Variants in DACH1 observed in about 807,000 individuals in gnomAD.
DACH1 encodes dachshund family transcription factor 1, also known as dachshund homolog 1.
DACH1 carries 12 observed loss-of-function variants against 54.2 expected under a neutral mutation model. That is an observed-to-expected ratio of 0.22 (90% CI 0.14 to 0.36). The LOEUF (loss-of-function observed/expected upper bound fraction) is 0.36, where lower values mean the gene tolerates loss of function less well. Among genes scored for constraint, DACH1 ranks in the 10% least tolerant of loss-of-function variants. The probability of loss-of-function intolerance (pLI) is 1.00; values close to 1 mark genes in which losing one functional copy is unlikely to be tolerated. For synonymous variants in DACH1, 386 were observed against 366.2 expected, an observed-to-expected ratio of 1.05 and a Z score of -0.62; for missense variants, 805 against 929.8, an observed-to-expected ratio of 0.87 and a Z score of 1.75.
intron 2 of DACH1, among the ~76,000 whole-genome samples, chr13:71,664,599 C>T (rs1879709770): frequency 6.6e-6 from 1 of 151,794 alleles, no homozygotes; most frequent in Non-Finnish European, 1.5e-5. Context: ...TGGGAGTTGG[C>T]TGTAGTATAT....
At chr13:71,480,195 AT>A (rs1877909768) in intron 7 of DACH1, among the ~76,000 whole-genome samples, 1 of 152,118 alleles carries the variant, frequency 6.6e-6, no homozygotes. Context: ...GTACTGCTAC[AT>A]TTTTCTTGAG....
rs1878766968 is a variant in DACH1, at chr13:71,489,006, A to T, written c.1713T>A (p.Thr571=). 1.2e-6 allele frequency: 2 copies of T among 1,613,448 alleles called. No homozygotes were observed. The highest frequency in any genetic ancestry group is 1.6e-4 in the Middle Eastern group (1 of 6,080). ...DGLSSIETLL[T]NIQGLLKVAI... The stretch of plus-strand genomic sequence containing the variant: ...TTGTAAAAAGGCCTACCTGTATGTT[A>T]GTCAGAAGAGTCTCGATGGAAGACA... The change falls in exon 7 of 11, where the codon ACT becomes ACA. Residue 571 remains threonine (T), a synonymous_variant. Coordinates refer to ENST00000613252, the MANE Select transcript of DACH1 (RefSeq NM_080759.6).
chr13:71,586,310 C>A (rs146878608), intron 3 of DACH1, among the ~76,000 whole-genome samples: 1 of 152,064 alleles, frequency 6.6e-6, no homozygotes, highest in African/African-American at 2.4e-5. Context: ...AGGGAATATT[C>A]CTCCCAAATT....
intron 1 of DACH1, among the ~76,000 whole-genome samples, chr13:71,825,967 T>A (rs942994833): frequency 7.9e-5 from 12 of 152,102 alleles, no homozygotes; most frequent in African/African-American, 2.7e-4. Context: ...TGCAAACAGC[T>A]GTATCCATGC....
chr13:71,599,151 AT>A (rs113541722), intron 3 of DACH1, among the ~76,000 whole-genome samples: 3 of 152,326 alleles, frequency 2.0e-5, no homozygotes, highest in African/African-American at 7.2e-5. Flanking sequence ...GATGATATAA[AT>A]AAAAAGACAT....
chr13:71,863,402 C>A (rs964018226), intron 1 of DACH1, among the ~76,000 whole-genome samples: 3 of 152,032 alleles, frequency 2.0e-5, no homozygotes, highest in African/African-American at 7.2e-5. Flanking sequence ...TGATCAAATA[C>A]AATACTAAAT....
intron 1 of DACH1, among the ~76,000 whole-genome samples, chr13:71,779,204 T>C (rs1177273086): frequency 3.6e-5 from 4 of 110,290 alleles, no homozygotes; most frequent in East Asian, 2.2e-4. Flanking sequence ...TACGTATATA[T>C]GTGTATATAT....
Position 71,657,298 on chromosome 13 carries a change from C to T in DACH1, c.964+24497G>A, listed in dbSNP as rs536306657. ...TAGTGGCTCATTTCTGTAATTCCAG[C>T]ATTTAAACACAGTGTGACCTTATCT... On this transcript the variant is annotated intron_variant, in intron 2 of 10. Coordinates refer to ENST00000613252, the MANE Select transcript of DACH1 (RefSeq NM_080759.6). 2.8e-4 allele frequency among the ~76,000 whole-genome samples: 42 copies of T among 151,874 alleles called. 3 individuals are homozygous for T. In the South Asian group the frequency reaches 8.3e-3, roughly 30 times the overall value.
chr13:71,799,137 A>T (rs188667639), intron 1 of DACH1, among the ~76,000 whole-genome samples: 11 of 152,244 alleles, frequency 7.2e-5, no homozygotes, highest in African/African-American at 2.6e-4. Context: ...AGCTTTATTT[A>T]CACTGTCTAA....
intron 10 of DACH1, among the ~76,000 whole-genome samples, chr13:71,472,124 G>A (rs145597421): frequency 2.6e-5 from 4 of 152,096 alleles, no homozygotes; most frequent in Non-Finnish European, 4.4e-5. Context: ...TTCAGTTCCT[G>A]GAAGAAGTTT....
At chr13:71,820,014 C>G (rs992630724) in intron 1 of DACH1, among the ~76,000 whole-genome samples, 1 of 149,524 alleles carries the variant, frequency 6.7e-6, no homozygotes, top group Non-Finnish European at 1.5e-5. Flanking sequence ...CTCCTGTAAT[C>G]CCACTACTCT....
intron 1 of DACH1, among the ~76,000 whole-genome samples, chr13:71,686,391 G>C (rs1423525969): frequency 6.6e-6 from 1 of 152,182 alleles, no homozygotes; most frequent in East Asian, 1.9e-4. Context: ...GCCACACACA[G>C]ACAGATCGCC....
At chr13:71,855,702 G>A (rs1873957140) in intron 1 of DACH1, among the ~76,000 whole-genome samples, 1 of 151,896 alleles carries the variant, frequency 6.6e-6, no homozygotes, top group Non-Finnish European at 1.5e-5. Flanking sequence ...AGCAAAAGCA[G>A]CATTCTGGAA....
chr13:71,734,940 AACAC>A (rs562771953), intron 1 of DACH1, among the ~76,000 whole-genome samples: 5 of 148,644 alleles, frequency 3.4e-5, no homozygotes, highest in Non-Finnish European at 6.0e-5. Flanking sequence ...CATATATATA[AACAC>A]ACACACACAG....
intron 4 of DACH1, among the ~76,000 whole-genome samples, chr13:71,567,819 T>C (rs528268600): frequency 2.6e-5 from 4 of 152,148 alleles, no homozygotes; most frequent in East Asian, 3.9e-4. Flanking sequence ...GTTTCTTCCT[T>C]TCACTATTAC....
intron 1 of DACH1, chr13:71,704,423 T>A (rs749205998): frequency 4.1e-5 from 16 of 389,448 alleles, no homozygotes; most frequent in Non-Finnish European, 7.4e-5. Context: ...AAGGGCAAGC[T>A]TCTTGCAAAG....
intron 3 of DACH1, among the ~76,000 whole-genome samples, chr13:71,593,078 G>T (rs1315787250): frequency 6.6e-6 from 1 of 152,120 alleles, no homozygotes; most frequent in Admixed American, 6.6e-5. Context: ...GAATTAGAGA[G>T]TTTTAAATAG....
At chr13:71,861,066 C>A (rs1874317481) in intron 1 of DACH1, among the ~76,000 whole-genome samples, 1 of 150,746 alleles carries the variant, frequency 6.6e-6, no homozygotes, top group East Asian at 1.9e-4. Flanking sequence ...TGCAGTGAGG[C>A]AAAAAGAGGG....
At chr13:71,779,170 TATATATACAC>T (rs1488024150) in intron 1 of DACH1, among the ~76,000 whole-genome samples, 1 of 62,040 alleles carries the variant, frequency 1.6e-5, no homozygotes, top group Non-Finnish European at 3.5e-5. Context: ...TATATACGTA[TATATATACAC>T]ATATATACGT....
Sources: allele counts gnomAD v4.1 joint callset (sites outside exome capture counted in the v4.1 genomes callset), GRCh38; gene constraint gnomAD v4.1.1; transcripts MANE v1.5; gene names NCBI Gene and HGNC (gene_info 2026-07-23, HGNC 2026-07-21).